The following MYT1L variants were observed in gnomAD, a reference collection of about 807,000 sequenced individuals.
The protein encoded by MYT1L is myelin transcription factor 1 like, also known as myelin transcription factor 1-like protein.
Under a neutral mutation model 126.7 loss-of-function variants are expected in MYT1L, and 12 were observed. The ratio of observed to expected loss-of-function variants is 0.09; its 90% CI spans 0.06 to 0.15. The LOEUF (loss-of-function observed/expected upper bound fraction) is 0.15. Among genes scored for constraint, MYT1L ranks in the 10% least tolerant of loss-of-function variants. The pLI is 1.00. For missense variants in MYT1L, 979 were observed against 1,585.2 expected, an observed-to-expected ratio of 0.62 and a Z score of 6.49; for synonymous variants, 541 against 604.2, an observed-to-expected ratio of 0.90 and a Z score of 1.53.
intron 18 of MYT1L, among the ~76,000 whole-genome samples, chr2:1,880,515 T>C (rs1382307568): frequency 2.0e-5 from 3 of 152,164 alleles, no homozygotes; most frequent in African/African-American, 7.2e-5. Context: ...TGACTGTAGA[T>C]GGGGCAGTCA....
intron 2 of MYT1L, among the ~76,000 whole-genome samples, chr2:2,275,446 C>T (rs968938004): frequency 1.3e-5 from 2 of 152,040 alleles, no homozygotes; most frequent in Non-Finnish European, 2.9e-5. Context: ...AATCAGCCTA[C>T]CTATATATGA....
Position 2,111,354 on chromosome 2 carries a change from C to A in MYT1L, c.-303-57231G>T, listed in dbSNP as rs1049004004. Among the ~76,000 whole-genome samples, 6 of 152,186 alleles carry A rather than the reference C, an allele frequency of 3.9e-5. 1 individual carries two copies. The highest frequency in any genetic ancestry group is 7.2e-5 in the African/African-American group (3 of 41,462). ...CCTAGGAGCGTCCTCCCATCCTCCC[C>A]CCGACGGCACTCACACAACGTGCTG... is the stretch of plus-strand genomic sequence containing the variant. On this transcript the variant is annotated intron_variant, in intron 3 of 24. Coordinates refer to ENST00000647738, the MANE Select transcript of MYT1L (RefSeq NM_001303052.2).
intron 2 of MYT1L, among the ~76,000 whole-genome samples, chr2:2,179,769 A>T (rs144804618): frequency 2.6e-4 from 39 of 152,206 alleles, no homozygotes; most frequent in African/African-American, 9.4e-4. Context: ...ACTTACCACC[A>T]CCTTATGTGA....
chr2:1,802,542 G>A (rs963476158), intron 22 of MYT1L, among the ~76,000 whole-genome samples: 1 of 152,124 alleles, frequency 6.6e-6, no homozygotes, highest in African/African-American at 2.4e-5. Context: ...TGATGACCTC[G>A]GCCAGGTGTG....
chr2:1,870,911 C>A (rs111546924), intron 18 of MYT1L, among the ~76,000 whole-genome samples: 3 of 152,184 alleles, frequency 2.0e-5, no homozygotes, highest in Admixed American at 1.3e-4. Flanking sequence ...CTGCGAGCTG[C>A]CCACTGGGCA....
intron 21 of MYT1L, among the ~76,000 whole-genome samples, chr2:1,821,073 C>G (rs900445071): frequency 2.0e-5 from 3 of 152,168 alleles, no homozygotes; most frequent in African/African-American, 7.2e-5. Flanking sequence ...TGTGATGAAC[C>G]CGTCCATATA....
At chr2:2,268,871 A>T (rs946374527) in intron 2 of MYT1L, among the ~76,000 whole-genome samples, 3 of 152,196 alleles carry the variant, frequency 2.0e-5, no homozygotes, top group Admixed American at 2.0e-4. Context: ...ATGAAGATAA[A>T]TCTGTAGGGA....
At chr2:1,919,431 C>T (rs749985518) in intron 10 of MYT1L, among the ~76,000 whole-genome samples, 26 of 152,246 alleles carry the variant, frequency 1.7e-4, no homozygotes, top group South Asian at 4.1e-4. Context: ...AAAAAAAGTG[C>T]GCTGTTTAGC....
chr2:2,198,257 C>G (rs1316410452), intron 2 of MYT1L, among the ~76,000 whole-genome samples: 1 of 151,976 alleles, frequency 6.6e-6, no homozygotes, highest in African/African-American at 2.4e-5. Context: ...TTACCAGAGA[C>G]TAGGAAGGGG....
At chr2:2,095,796 T>C (rs1181622079) in intron 3 of MYT1L, among the ~76,000 whole-genome samples, 1 of 152,158 alleles carries the variant, frequency 6.6e-6, no homozygotes, top group South Asian at 2.1e-4. Flanking sequence ...CCCTGACCGC[T>C]CACACTCAGC....
intron 1 of MYT1L, among the ~76,000 whole-genome samples, chr2:2,315,449 G>A (rs947173985): frequency 3.3e-5 from 5 of 152,112 alleles, no homozygotes; most frequent in African/African-American, 1.2e-4. Flanking sequence ...ACTCTTTAAT[G>A]AATATGTTTA....
intron 18 of MYT1L, among the ~76,000 whole-genome samples, chr2:1,863,741 AG>A (rs11384404): frequency 2.5e-4 from 36 of 142,848 alleles, no homozygotes; most frequent in South Asian, 1.0e-3. Context: ...GAAACAAAAA[AG>A]GGGGGGGCAT....
rs1441577033 is a variant in MYT1L, at chr2:2,196,252, TG to T, written c.-420-23265del. Reference sequence around the variant, plus strand: ...TAAATAAAGTGATTGCCTATGTGGGTGAAAAAAAAATCCTTAAAAATGAAGG... The same window carrying T: ...TAAATAAAGTGATTGCCTATGTGGGTAAAAAAAAATCCTTAAAAATGAAGG... On this transcript the variant is annotated intron_variant, in intron 2 of 24. Coordinates refer to ENST00000647738, the MANE Select transcript of MYT1L (RefSeq NM_001303052.2). 4.7e-5 allele frequency among the ~76,000 whole-genome samples: 7 copies of T among 149,788 alleles called. 1 individual carries two copies. The highest frequency in any genetic ancestry group is 3.3e-4 in the Admixed American group (5 of 15,134).
At chr2:2,257,876 G>T (rs1414976437) in intron 2 of MYT1L, among the ~76,000 whole-genome samples, 33 of 147,148 alleles carry the variant, frequency 2.2e-4, no homozygotes, top group Non-Finnish European at 4.0e-4. Flanking sequence ...TTTCTTCACA[G>T]AATTGGAAAA....
Position 2,233,387 on chromosome 2 carries a change from C to T in MYT1L, c.-421+51017G>A, listed in dbSNP as rs968523385. ...CTCAGTCCTGGAGACCAACGGGCTG[C>T]GGGAGCCCTAGGGTTGCGCTGTGAT... On this transcript the variant is annotated intron_variant, in intron 2 of 24. Coordinates refer to ENST00000647738, the MANE Select transcript of MYT1L (RefSeq NM_001303052.2). 3.3e-5 allele frequency among the ~76,000 whole-genome samples: 5 copies of T among 152,206 alleles called. No individual in the cohort carries two copies. The South Asian group carries it at 8.3e-4, about 25-fold the overall frequency.
chr2:2,291,627 A>G (rs967363002), intron 1 of MYT1L, among the ~76,000 whole-genome samples: 1 of 152,214 alleles, frequency 6.6e-6, no homozygotes, highest in Non-Finnish European at 1.5e-5. Context: ...GCGGTGCGTG[A>G]TGGGTTCTGA....
At chr2:2,077,258 GA>G (rs997219114) in intron 3 of MYT1L, among the ~76,000 whole-genome samples, 1 of 152,066 alleles carries the variant, frequency 6.6e-6, no homozygotes, top group African/African-American at 2.4e-5. Context: ...AAGAAGAGAA[GA>G]AAAGGGGGGA....
Position 2,204,381 on chromosome 2 carries a change from C to A in MYT1L, c.-420-31393G>T, listed in dbSNP as rs1283912358. Among the ~76,000 whole-genome samples the A allele has an allele frequency of 1.3e-5, 2 of 151,304 alleles. 1 individual carries two copies. Among genetic ancestry groups the A allele is most frequent in the South Asian group, 4.2e-4 (2 of 4,770 alleles). On this transcript the variant is annotated intron_variant, in intron 2 of 24. Transcript: ENST00000647738. ...TACTCATCTGACAAAGGGCTAATAT[C>A]CAGAATCTACAATGAACTCAAACAA...
chr2:2,287,865 C>T (rs1251040126), intron 1 of MYT1L, among the ~76,000 whole-genome samples: 1 of 152,334 alleles, frequency 6.6e-6, no homozygotes, highest in African/African-American at 2.4e-5. Context: ...TTAAGCCCGA[C>T]CAACTCTACA....
Sources: allele counts gnomAD v4.1 joint callset (sites outside exome capture counted in the v4.1 genomes callset), GRCh38; gene constraint gnomAD v4.1.1; transcripts MANE v1.5; gene names NCBI Gene and HGNC (gene_info 2026-07-23, HGNC 2026-07-21).